FGF12: variants seen among roughly 807,000 people sequenced by gnomAD.
FGF12 encodes the protein fibroblast growth factor 12, also known as fibroblast growth factor 12B.
FGF12 carries 14 observed loss-of-function variants against 23.6 expected under a neutral mutation model. The observed-to-expected ratio is 0.59, with a 90% confidence interval of 0.39 to 0.93. The LOEUF is 0.93. Ranked by LOEUF, FGF12 falls within the 40% of genes least tolerant of loss-of-function variation. FGF12 has a pLI of 0.00. For synonymous variants in FGF12, 62 were observed against 77.3 expected, an observed-to-expected ratio of 0.80 and a Z score of 1.04; for missense variants, 175 against 217.8, an observed-to-expected ratio of 0.80 and a Z score of 1.24.
chr3:192,321,245 T>C (rs1432703723), intron 4 of FGF12, among the ~76,000 whole-genome samples: 1 of 151,994 alleles, frequency 6.6e-6, no homozygotes, highest in East Asian at 1.9e-4. Context: ...CATACCATGA[T>C]TGAACCCTGA....
intron 4 of FGF12, among the ~76,000 whole-genome samples, chr3:192,267,623 A>G (rs995616969): frequency 4.6e-5 from 7 of 152,130 alleles, no homozygotes; most frequent in African/African-American, 7.2e-5. Context: ...TTCCCGTAAC[A>G]TATCAGTGGA....
At chr3:192,704,979 A>C (rs1160802248) in intron 2 of FGF12, among the ~76,000 whole-genome samples, 2 of 152,206 alleles carry the variant, frequency 1.3e-5, no homozygotes, top group Non-Finnish European at 2.9e-5. Context: ...AATTGAAGAG[A>C]GAGCCTTGCT....
At chr3:192,356,290 G>C (rs1250859779) in intron 3 of FGF12, among the ~76,000 whole-genome samples, 1 of 152,102 alleles carries the variant, frequency 6.6e-6, no homozygotes, top group Admixed American at 6.5e-5. Context: ...GTACTAACTT[G>C]TCAGGCAGCC....
intron 4 of FGF12, among the ~76,000 whole-genome samples, chr3:192,330,445 C>T (rs1490691248): frequency 6.6e-6 from 1 of 152,112 alleles, no homozygotes; most frequent in African/African-American, 2.4e-5. Flanking sequence ...GTCAAATCAT[C>T]TTCAACAAGA....
rs201468911 is a variant in FGF12, at chr3:192,322,076, C to CA, written c.228+13284dup. On this transcript the variant is annotated intron_variant, in intron 4 of 5. Coordinates refer to ENST00000445105, the MANE Select transcript of FGF12 (RefSeq NM_004113.6). ...ATAGTATATTTGAAAAACCTAAGGA[C>CA]AAAAAAAAACACACAACTCTTCGAG... is the stretch of plus-strand genomic sequence containing the variant. Among the ~76,000 whole-genome samples the CA allele has an allele frequency of 6.0e-4, 89 of 148,126 alleles. 1 individual carries two copies. The highest frequency in any genetic ancestry group is 1.8e-3 in the African/African-American group (71 of 40,452).
intron 2 of FGF12, among the ~76,000 whole-genome samples, chr3:192,425,370 C>T (rs1721660537): frequency 6.6e-6 from 1 of 152,120 alleles, no homozygotes; most frequent in African/African-American, 2.4e-5. Flanking sequence ...GACATGAGAA[C>T]TGCCCACTTA....
At chr3:192,656,628 A>G (rs1577103041) in intron 2 of FGF12, among the ~76,000 whole-genome samples, 1 of 151,840 alleles carries the variant, frequency 6.6e-6, no homozygotes, top group Non-Finnish European at 1.5e-5. Flanking sequence ...ACAGCCTCCC[A>G]CCTCCAAACC....
intron 4 of FGF12, among the ~76,000 whole-genome samples, chr3:192,294,112 T>C (rs1714908452): frequency 6.6e-6 from 1 of 152,136 alleles, no homozygotes; most frequent in African/African-American, 2.4e-5. Flanking sequence ...TTTCTCTCAT[T>C]CTCTCTTTGC....
intron 2 of FGF12, among the ~76,000 whole-genome samples, chr3:192,638,730 A>C (rs760417329): frequency 1.3e-5 from 2 of 152,348 alleles, no homozygotes; most frequent in Non-Finnish European, 2.9e-5. Context: ...TGTTTTATAG[A>C]TGTGCTCATT....
chr3:192,308,678 C>T (rs983222825), intron 4 of FGF12, among the ~76,000 whole-genome samples: 7 of 147,514 alleles, frequency 4.7e-5, no homozygotes, highest in African/African-American at 1.8e-4. Context: ...GAAACTCCAT[C>T]TCAAAAAAAA....
At chr3:192,403,159 A>T (rs1534170) in intron 2 of FGF12, among the ~76,000 whole-genome samples, 110,971 of 152,042 alleles carry the variant, frequency 0.73, 40,577 homozygotes, top group African/African-American at 0.76. Flanking sequence ...AAAAGCAATG[A>T]GTTTCCATAT....
At chr3:192,551,712 T>C (rs1169480425) in intron 2 of FGF12, among the ~76,000 whole-genome samples, 1 of 151,968 alleles carries the variant, frequency 6.6e-6, no homozygotes, top group Non-Finnish European at 1.5e-5. Context: ...AAGCCACCAG[T>C]AGTTAACCAC....
At position 192,562,950 on chromosome 3, in the gene FGF12, G is replaced by A. The variant is rs146736554; in HGVS notation, c.13+164231C>T. Among the ~76,000 whole-genome samples, 163 of 152,224 alleles carry A rather than the reference G, an allele frequency of 1.1e-3. 1 individual carries two copies. The highest frequency in any genetic ancestry group is 3.5e-3 in the African/African-American group (144 of 41,522). Reference sequence around the variant, plus strand: ...TCCCATACTGAAACCAACACTGTTTGGCTTACATACTCTTAGACACATTGT... The same window carrying A: ...TCCCATACTGAAACCAACACTGTTTAGCTTACATACTCTTAGACACATTGT... On this transcript the variant is annotated intron_variant, in intron 2 of 5. Coordinates refer to ENST00000445105, the MANE Select transcript of FGF12 (RefSeq NM_004113.6).
chr3:192,247,360 T>TA (rs1211447207), intron 4 of FGF12, among the ~76,000 whole-genome samples: 6 of 152,106 alleles, frequency 3.9e-5, no homozygotes, highest in Non-Finnish European at 7.4e-5. Context: ...TCTACCTGGC[T>TA]AAAAAAACAT....
At chr3:192,401,331 T>G (rs114712188) in intron 2 of FGF12, among the ~76,000 whole-genome samples, 322 of 152,284 alleles carry the variant, frequency 2.1e-3, no homozygotes, top group African/African-American at 7.4e-3. Flanking sequence ...AGGGAGGAAA[T>G]TTTTAGTACC....
At chr3:192,467,498 C>T (rs549203319) in intron 2 of FGF12, among the ~76,000 whole-genome samples, 13 of 152,122 alleles carry the variant, frequency 8.5e-5, no homozygotes, top group Non-Finnish European at 8.8e-5. Context: ...GTGAGCGGGA[C>T]GCCTAGAGCA....
At chr3:192,402,712 GA>G (rs1439892051) in intron 2 of FGF12, among the ~76,000 whole-genome samples, 1 of 152,112 alleles carries the variant, frequency 6.6e-6, no homozygotes, top group African/African-American at 2.4e-5. Context: ...AAAAGTAAAA[GA>G]AGCAAAAATT....
At chr3:192,398,182 A>G (rs1237595600) in intron 2 of FGF12, among the ~76,000 whole-genome samples, 1 of 152,194 alleles carries the variant, frequency 6.6e-6, no homozygotes, top group Non-Finnish European at 1.5e-5. Context: ...AGATTTCTTT[A>G]TTAGTGCCTT....
chr3:192,604,707 T>C (rs1386747224), intron 2 of FGF12, among the ~76,000 whole-genome samples: 1 of 152,160 alleles, frequency 6.6e-6, no homozygotes, highest in African/African-American at 2.4e-5. Flanking sequence ...AAAAAACTAT[T>C]CTAAAATTCA....
Sources: allele counts gnomAD v4.1 joint callset (sites outside exome capture counted in the v4.1 genomes callset), GRCh38; gene constraint gnomAD v4.1.1; transcripts MANE v1.5; gene names NCBI Gene and HGNC (gene_info 2026-07-23, HGNC 2026-07-21).